The following FN3KRP variants were observed in gnomAD, a reference collection of about 807,000 sequenced individuals.
FN3KRP encodes fructosamine 3 kinase related protein, also known as ketosamine-3-kinase.
FN3KRP carries 33 observed loss-of-function variants against 29.8 expected under a neutral mutation model. The ratio of observed to expected loss-of-function variants is 1.11; its 90% CI spans 0.84 to 1.48. The LOEUF is 1.48. Among genes scored for constraint, FN3KRP ranks in the 40% most tolerant of loss-of-function variants. FN3KRP has a pLI of 0.00. For synonymous variants in FN3KRP, 157 were observed against 155.2 expected (o/e 1.01, Z -0.09); for missense variants, 430 against 402.6 (o/e 1.07, Z -0.58).
chr17:82,723,865 G>A (rs1228096929), intron 4 of FN3KRP, among the ~76,000 whole-genome samples: 2 of 152,100 alleles, frequency 1.3e-5, no homozygotes, highest in African/African-American at 4.8e-5. Flanking sequence ...TCTGGGGAGG[G>A]GCTGTCTGGA....
intron 2 of FN3KRP, among the ~76,000 whole-genome samples, chr17:82,719,789 A>G (rs1157234206): frequency 6.6e-6 from 1 of 151,910 alleles, no homozygotes; most frequent in Non-Finnish European, 1.5e-5. Context: ...GCAAACTTGG[A>G]TGAGGCTGGG....
At chr17:82,722,692 G>A (rs2046806407) in intron 3 of FN3KRP, 112 bp from the exon 4 acceptor site, 1 of 952,218 alleles carries the variant, frequency 1.1e-6, no homozygotes, top group Admixed American at 2.1e-5. Context: ...CTCTGGCAGG[G>A]GCATAAGCTG....
intron 1 of FN3KRP, chr17:82,718,417 T>C (rs536109370): frequency 3.1e-5 from 31 of 987,620 alleles, no homozygotes; most frequent in Non-Finnish European, 3.7e-5. Flanking sequence ...GGGCAGGAGG[T>C]GGCATGGAAC....
At chr17:82,718,387 A>T (rs1447479397) in intron 1 of FN3KRP, 3 of 987,164 alleles carry the variant, frequency 3.0e-6, no homozygotes, top group East Asian at 1.1e-4. Flanking sequence ...GCATCTCAAG[A>T]TGAGGTGGTT....
intron 3 of FN3KRP, among the ~76,000 whole-genome samples, chr17:82,721,363 C>T (rs1397877846): frequency 6.6e-6 from 1 of 152,120 alleles, no homozygotes; most frequent in East Asian, 1.9e-4. Context: ...GCTGGGATTA[C>T]AGGCGTGAGC....
intron 1 of FN3KRP, chr17:82,718,445 T>C (rs1235286466): frequency 8.1e-6 from 8 of 988,628 alleles, no homozygotes; most frequent in Non-Finnish European, 9.6e-6. Context: ...TCTCTTCAGG[T>C]GAAAAGTGAC....
At chr17:82,724,975 A>ATT (rs11406892) in intron 4 of FN3KRP, among the ~76,000 whole-genome samples, 8 of 149,288 alleles carry the variant, frequency 5.4e-5, no homozygotes, top group East Asian at 2.0e-4. Flanking sequence ...TGCCCGGCTA[A>ATT]TTTTTTTTTG....
Position 82,727,328 on chromosome 17 carries a change from C to T in FN3KRP, c.*157C>T. 1.4e-6 allele frequency: 1 copy of T among 692,496 alleles called. No homozygotes were observed. The allele number at this position is 692,496 out of a possible 1,614,324, so 42.9% of individuals were successfully genotyped here. Reference sequence around the variant, plus strand: ...TAATATCTAAGAGGAAAGGTTTTGTCATCCCAGCGTTGTCCACTTTGTGGG... The same window carrying T: ...TAATATCTAAGAGGAAAGGTTTTGTTATCCCAGCGTTGTCCACTTTGTGGG... On this transcript the variant is annotated 3_prime_UTR_variant, in exon 6 of 6. Coordinates refer to ENST00000269373, the MANE Select transcript of FN3KRP (RefSeq NM_024619.4).
At chr17:82,722,668 C>T in intron 3 of FN3KRP, 136 bp from the exon 4 acceptor site, 2 of 717,158 alleles carry the variant, frequency 2.8e-6, no homozygotes, top group South Asian at 3.6e-5. Flanking sequence ...GGTGGAGACC[C>T]AGGCCCTGTT....
intron 1 of FN3KRP, 139 bp from the exon 2 acceptor site, chr17:82,718,767 A>G: frequency 8.1e-7 from 1 of 1,237,356 alleles, no homozygotes; most frequent in Non-Finnish European, 1.1e-6. Flanking sequence ...GTTTGAAAAC[A>G]CTGTCCATGT....
intron 4 of FN3KRP, 31 bp from the exon 5 acceptor site, chr17:82,726,449 A>T (rs1426978073): frequency 6.2e-7 from 1 of 1,604,848 alleles, no homozygotes; most frequent in Non-Finnish European, 8.5e-7. Flanking sequence ...GGCATTTTCC[A>T]GTGAACTGTG....
chr17:82,723,994 AT>A lies in FN3KRP; in HGVS notation c.468+1119del, dbSNP rs397959990. On this transcript the variant is annotated intron_variant, in intron 4 of 5. Coordinates refer to ENST00000269373, the MANE Select transcript of FN3KRP (RefSeq NM_024619.4). ...CAGTTGCTTTAGCAGCAAAAAAAAA[AT>A]TTTTTTTTTTAAATAAAAAAGCCCT... is the stretch of plus-strand genomic sequence containing the variant. Among the ~76,000 whole-genome samples the A allele has an allele frequency of 8.2e-3, 1,227 of 149,042 alleles. 13 individuals are homozygous for A. Among genetic ancestry groups the A allele is most frequent in the African/African-American group, 0.027 (1,099 of 40,612 alleles).
At chr17:82,726,645 C>A (rs2046839785) in intron 5 of FN3KRP, 43 bp downstream of exon 5, 1 of 1,582,984 alleles carries the variant, frequency 6.3e-7, no homozygotes. Context: ...GCCACACACC[C>A]CACTTGCCTG....
intron 3 of FN3KRP, 59 bp from the exon 4 acceptor site, chr17:82,722,745 G>C (rs1392380446): frequency 1.3e-6 from 2 of 1,556,570 alleles, no homozygotes; most frequent in South Asian, 2.2e-5. Flanking sequence ...ACTCAGTTTC[G>C]AGAGTGGGCG....
At chr17:82,720,214 GT>G (rs2046788763) in intron 2 of FN3KRP, 57 bp from the exon 3 acceptor site, 3 of 1,384,990 alleles carry the variant, frequency 2.2e-6, no homozygotes, top group Non-Finnish European at 2.1e-6. Context: ...AGACTGAGCA[GT>G]GGGTGTGTTG....
intron 4 of FN3KRP, among the ~76,000 whole-genome samples, chr17:82,723,351 C>T (rs535821239): frequency 1.7e-4 from 26 of 151,352 alleles, no homozygotes; most frequent in East Asian, 5.9e-4. Context: ...CTGGCGGGCG[C>T]GGGGGCAGTA....
intron 3 of FN3KRP, among the ~76,000 whole-genome samples, chr17:82,721,176 C>T (rs1260715055): frequency 6.6e-6 from 1 of 152,110 alleles, no homozygotes; most frequent in Non-Finnish European, 1.5e-5. Flanking sequence ...TGACCTCTGC[C>T]TCCTGGGTTC....
chr17:82,726,775 C>G, intron 5 of FN3KRP, 58 bp from the exon 6 acceptor site: 1 of 1,494,678 alleles, frequency 6.7e-7, no homozygotes, highest in Non-Finnish European at 9.0e-7. Context: ...GGACCTGGAG[C>G]GGCGCCCCTC....
At chr17:82,719,150 C>A in intron 2 of FN3KRP, 93 bp downstream of exon 2, 1 of 1,224,018 alleles carries the variant, frequency 8.2e-7, no homozygotes, top group Non-Finnish European at 1.2e-6. Flanking sequence ...ACACCACCCA[C>A]TGGCTGGCTT....
Sources: gnomAD v4.1 joint callset for allele counts (sites outside exome capture counted in the v4.1 genomes callset) on GRCh38, gnomAD v4.1.1 for gene constraint, MANE v1.5 for transcripts, NCBI Gene and HGNC (gene_info 2026-07-23, HGNC 2026-07-21) for gene names.